Variants in MARCHF1 observed in about 807,000 individuals in gnomAD.
MARCHF1 encodes E3 ubiquitin-protein ligase MARCHF1.
Under a neutral mutation model 54.2 loss-of-function variants are expected in MARCHF1, and 40 were observed. The ratio of observed to expected loss-of-function variants is 0.74; its 90% CI spans 0.57 to 0.96. The LOEUF (loss-of-function observed/expected upper bound fraction) is 0.96. Among genes scored for constraint, MARCHF1 ranks in the 40% least tolerant of loss-of-function variants. MARCHF1 has a pLI of 0.00. For synonymous variants in MARCHF1, 236 were observed against 236.3 expected, an observed-to-expected ratio of 1.00 and a Z score of 0.01; for missense variants, 586 against 656.5, an observed-to-expected ratio of 0.89 and a Z score of 1.17.
At chr4:164,248,700 G>A (rs1286023550) in intron 1 of MARCHF1, among the ~76,000 whole-genome samples, 1 of 151,950 alleles carries the variant, frequency 6.6e-6, no homozygotes, top group East Asian at 1.9e-4. Flanking sequence ...GTTGTTCAAT[G>A]TTTAGCACTG....
intron 8 of MARCHF1, chr4:163,555,903 C>T (rs1212731461): frequency 2.2e-6 from 1 of 456,056 alleles, no homozygotes. Flanking sequence ...TGTGGTCACT[C>T]TCTGTGCCTA....
At chr4:163,891,720 A>G (rs886207004) in intron 3 of MARCHF1, among the ~76,000 whole-genome samples, 1 of 152,168 alleles carries the variant, frequency 6.6e-6, no homozygotes, top group African/African-American at 2.4e-5. Context: ...TTTATCATCT[A>G]AGGCTAACCC....
chr4:164,337,523 T>C (rs757496612), intron 1 of MARCHF1, among the ~76,000 whole-genome samples: 2 of 152,172 alleles, frequency 1.3e-5, no homozygotes, highest in African/African-American at 2.4e-5. Flanking sequence ...TCAGCATGGA[T>C]GAGTAAATGG....
At chr4:163,768,819 A>G (rs1747065696) in intron 4 of MARCHF1, among the ~76,000 whole-genome samples, 3 of 152,186 alleles carry the variant, frequency 2.0e-5, no homozygotes, top group Admixed American at 2.0e-4. Flanking sequence ...CAAAGTAAGA[A>G]CTGTAAGTCA....
intron 5 of MARCHF1, among the ~76,000 whole-genome samples, chr4:163,684,460 C>A (rs77205389): frequency 6.6e-6 from 1 of 152,214 alleles, no homozygotes; most frequent in Non-Finnish European, 1.5e-5. Context: ...ACATGTCACA[C>A]CAATTCCTCA....
intron 4 of MARCHF1, among the ~76,000 whole-genome samples, chr4:163,831,170 A>T (rs909082436): frequency 8.6e-5 from 13 of 151,992 alleles, no homozygotes; most frequent in African/African-American, 3.1e-4. Flanking sequence ...TTCTGCACTG[A>T]ACCCTTAGTG....
At chr4:163,971,166 G>C (rs1362575997) in intron 3 of MARCHF1, among the ~76,000 whole-genome samples, 2 of 151,894 alleles carry the variant, frequency 1.3e-5, no homozygotes, top group Admixed American at 1.3e-4. Flanking sequence ...GTAAACAAGA[G>C]TAGGCAATTT....
chr4:163,564,944 A>G (rs1739595741), intron 8 of MARCHF1, among the ~76,000 whole-genome samples: 1 of 152,124 alleles, frequency 6.6e-6, no homozygotes, highest in Non-Finnish European at 1.5e-5. Flanking sequence ...AGAATTTTGA[A>G]GTGACCCCAC....
At chr4:164,201,445 C>T (rs1560951762) in intron 1 of MARCHF1, among the ~76,000 whole-genome samples, 1 of 152,156 alleles carries the variant, frequency 6.6e-6, no homozygotes, top group Non-Finnish European at 1.5e-5. Context: ...TGGTCTCCAT[C>T]TCTTGACCTC....
At chr4:163,602,473 T>A (rs1391959029) in intron 7 of MARCHF1, among the ~76,000 whole-genome samples, 1 of 152,088 alleles carries the variant, frequency 6.6e-6, no homozygotes, top group Non-Finnish European at 1.5e-5. Context: ...GAGAGAAAAG[T>A]TGGAAGCAAG....
At chr4:163,887,884 T>C (rs1750573769) in intron 3 of MARCHF1, among the ~76,000 whole-genome samples, 1 of 152,174 alleles carries the variant, frequency 6.6e-6, no homozygotes, top group African/African-American at 2.4e-5. Flanking sequence ...TCAGTCTTCT[T>C]AGGGGCAATA....
rs574633631 is a variant in MARCHF1 at position 163,955,212 on chromosome 4, TA to T, written c.-39+33288del. ...GGCTTTCCTAATCCTTACTGAACAT[TA>T]AAAAAAAAAAAAAAAAGAAAAGAAA... On this transcript the variant is annotated intron_variant, in intron 3 of 9. Coordinates refer to ENST00000514618, the MANE Select transcript of MARCHF1 (RefSeq NM_001394959.1). Among the ~76,000 whole-genome samples, 1,091 of 111,754 alleles carry T rather than the reference TA, an allele frequency of 9.8e-3. 8 individuals carry two copies. Among genetic ancestry groups the T allele is most frequent in the African/African-American group, 0.024 (708 of 29,736 alleles). 73.3% of individuals were successfully genotyped at this position (111,754 alleles called of 152,430 possible).
At chr4:163,803,286 G>A (rs531512124) in intron 4 of MARCHF1, among the ~76,000 whole-genome samples, 6 of 152,144 alleles carry the variant, frequency 3.9e-5, no homozygotes, top group South Asian at 2.1e-4. Flanking sequence ...TGGTTCTCCC[G>A]CCTCAACCTC....
At position 163,720,811 on chromosome 4, in the gene MARCHF1, A is replaced by T. The variant is rs542385230; in HGVS notation, c.112-19948T>A. Among the ~76,000 whole-genome samples, 9 of 152,284 alleles carry T rather than the reference A, an allele frequency of 5.9e-5. No individual in the cohort carries two copies. The South Asian group carries it at 1.9e-3, about 32-fold the overall frequency. ...AGCAATTGTGAATGGGAGTTCACTC[A>T]TGATTTGGGTCTCTCTTTGTCTGTT... On this transcript the variant is annotated intron_variant, in intron 4 of 9. Coordinates refer to ENST00000514618, the MANE Select transcript of MARCHF1 (RefSeq NM_001394959.1).
intron 8 of MARCHF1, among the ~76,000 whole-genome samples, chr4:163,566,739 G>A (rs1739657050): frequency 6.6e-6 from 1 of 152,152 alleles, no homozygotes; most frequent in African/African-American, 2.4e-5. Context: ...ACCTTTAGAA[G>A]TGACAAGTGA....
At position 164,019,949 on chromosome 4, in the gene MARCHF1, C is replaced by T. The variant is rs545919512; in HGVS notation, c.-247-31240G>A. ...GGGAAAGAGTAGAACCATGAGATTACGGCAAAAACAGGCAAAACTGAAATT... is the reference window on the plus strand; with the variant it reads ...GGGAAAGAGTAGAACCATGAGATTATGGCAAAAACAGGCAAAACTGAAATT... On this transcript the variant is annotated intron_variant, in intron 2 of 9. Transcript: ENST00000514618. Among the ~76,000 whole-genome samples, 53 of 152,184 alleles carry T rather than the reference C, an allele frequency of 3.5e-4. 3 individuals carry two copies. In the Middle Eastern group the frequency reaches 0.014, roughly 39 times the overall value.
intron 2 of MARCHF1, among the ~76,000 whole-genome samples, chr4:164,104,654 A>G (rs1362104321): frequency 5.6e-5 from 1 of 17,722 alleles, no homozygotes; most frequent in African/African-American, 1.2e-4. Context: ...CCCACAGCCA[A>G]TATCATACTG....
At chr4:164,225,233 A>C (rs1255509415) in intron 1 of MARCHF1, among the ~76,000 whole-genome samples, 1 of 152,094 alleles carries the variant, frequency 6.6e-6, no homozygotes, top group Non-Finnish European at 1.5e-5. Context: ...GACATTTAGG[A>C]AACATTTGTG....
At chr4:163,644,884 T>G (rs1278375568) in intron 5 of MARCHF1, among the ~76,000 whole-genome samples, 1 of 152,152 alleles carries the variant, frequency 6.6e-6, no homozygotes, top group Non-Finnish European at 1.5e-5. Context: ...CCCTGTAAAC[T>G]GTGGCATAAG....
Sources: gnomAD v4.1 joint callset for allele counts (sites outside exome capture counted in the v4.1 genomes callset) on GRCh38, gnomAD v4.1.1 for gene constraint, MANE v1.5 for transcripts, NCBI Gene and HGNC (gene_info 2026-07-23, HGNC 2026-07-21) for gene names.